MKX: variants seen among roughly 807,000 people sequenced by gnomAD.
The protein encoded by MKX is homeobox protein Mohawk.
MKX carries 13 observed loss-of-function variants against 36.0 expected under a neutral mutation model. The observed-to-expected ratio is 0.36, with a 90% CI of 0.24 to 0.57. The LOEUF is 0.57. Ranked by LOEUF, MKX falls within the 20% of genes least tolerant of loss-of-function variation. The pLI is 0.79. For missense variants in MKX, 458 were observed against 456.4 expected (o/e 1.00, Z -0.03); for synonymous variants, 176 against 178.3 (o/e 0.99, Z 0.10).
rs548724659 is a variant in MKX at position 27,732,167 on chromosome 10, G to A, written c.838+2289C>T. Among the ~76,000 whole-genome samples, 9 of 152,148 alleles carry A rather than the reference G, an allele frequency of 5.9e-5. No individual in the cohort carries two copies. The South Asian group carries it at 1.7e-3, about 28-fold the overall frequency. On this transcript the variant is annotated intron_variant, in intron 5 of 6. Coordinates refer to ENST00000419761, the MANE Select transcript of MKX (RefSeq NM_173576.3). ...CAGTCTTAATCTGATTTGAGAGTAG[G>A]ATAACGTTTACATTTTTTTTAAAAT...
At position 27,675,525 on chromosome 10, in the gene MKX, C is replaced by T. The variant is rs1193087742; in HGVS notation, c.868G>A (p.Glu290Lys). ...CAATGGGAACATTTTGCTCACCTTTCACCCTTATTGGATCCGTTTTCCAGA... is the reference window on the plus strand; with the variant it reads ...CAATGGGAACATTTTGCTCACCTTTTACCCTTATTGGATCCGTTTTCCAGA... ...DTLENGSNKG[E>K]SAANRKGPSK... Residue 290 changes from glutamate to lysine, a missense_variant, in exon 6 of 7, where the codon GAA becomes AAA. Transcript: ENST00000419761. The T allele has an allele frequency of 6.2e-7, 1 of 1,614,156 alleles. No individual in the cohort carries two copies. Among genetic ancestry groups the T allele is most frequent in the South Asian group, 1.1e-5 (1 of 91,066 alleles).
intron 5 of MKX, among the ~76,000 whole-genome samples, chr10:27,682,508 A>G (rs1454795412): frequency 6.6e-6 from 1 of 152,186 alleles, no homozygotes; most frequent in Non-Finnish European, 1.5e-5. Flanking sequence ...AGCTCTGTTC[A>G]TGGTAAGTGC....
intron 5 of MKX, among the ~76,000 whole-genome samples, chr10:27,716,614 C>T (rs894653279): frequency 3.3e-5 from 5 of 152,124 alleles, no homozygotes; most frequent in African/African-American, 1.2e-4. Context: ...TTTCAACTAA[C>T]TTACTTAGAC....
chr10:27,702,478 G>A (rs1479530420), intron 5 of MKX, among the ~76,000 whole-genome samples: 2 of 152,180 alleles, frequency 1.3e-5, no homozygotes, highest in Non-Finnish European at 2.9e-5. Context: ...TCAGATTGGA[G>A]CAGGACACAA....
rs1834941470 is a variant in MKX at position 27,742,942 on chromosome 10, C to T, written c.188+286G>A. On this transcript the variant is annotated intron_variant, in intron 2 of 6. Coordinates refer to ENST00000419761, the MANE Select transcript of MKX (RefSeq NM_173576.3). This position sits in a 1 kb window ranked among gnomAD's most constrained non-coding sequence, Gnocchi z 4.2. ...ACAGTCCGGAGAGGGGCAAATAACC[C>T]CCAACTCCGAGGTCCAGGCAGCGGA... Among the ~76,000 whole-genome samples the T allele has an allele frequency of 6.6e-6, 1 of 152,264 alleles. No individual in the cohort carries two copies. The highest frequency in any genetic ancestry group is 2.4e-5 in the African/African-American group (1 of 41,476).
chr10:27,672,916 C>T lies in MKX; in HGVS notation c.*2313G>A, dbSNP rs145745352. 1 of 152,254 alleles carries T rather than the reference C, an allele frequency of 6.6e-6. No homozygotes were observed. The highest frequency in any genetic ancestry group is 2.4e-5 in the African/African-American group (1 of 41,560). The allele number at this position is 152,254 out of a possible 1,614,324, so 9.4% of individuals were successfully genotyped here. ...ACTTTTATTTTAAATCTGTCAAGAA[C>T]TCCTGGCAGTTATTAATTTTATTAA... On this transcript the variant is annotated 3_prime_UTR_variant, in exon 7 of 7. Coordinates refer to ENST00000419761, the MANE Select transcript of MKX (RefSeq NM_173576.3).
intron 3 of MKX, among the ~76,000 whole-genome samples, chr10:27,739,194 T>C (rs1359408542): frequency 6.6e-6 from 1 of 152,078 alleles, no homozygotes; most frequent in African/African-American, 2.4e-5. Flanking sequence ...TATTCCACAA[T>C]AAAGCTGTTT....
chr10:27,730,423 G>T (rs960317988), intron 5 of MKX, among the ~76,000 whole-genome samples: 1 of 149,544 alleles, frequency 6.7e-6, no homozygotes, highest in Non-Finnish European at 1.5e-5. Context: ...AAAATTCAGT[G>T]ATACATTATC....
At chr10:27,721,296 C>T (rs1052518737) in intron 5 of MKX, among the ~76,000 whole-genome samples, 1 of 151,510 alleles carries the variant, frequency 6.6e-6, no homozygotes, top group Non-Finnish European at 1.5e-5. Flanking sequence ...CCCTGTCATA[C>T]ATCAAAATGG....
intron 5 of MKX, among the ~76,000 whole-genome samples, chr10:27,718,103 G>T (rs1464602383): frequency 6.6e-6 from 1 of 152,104 alleles, no homozygotes; most frequent in African/African-American, 2.4e-5. Context: ...ACTGCTCAGG[G>T]ACATAGAAGT....
chr10:27,737,231 A>G (rs910109403), intron 3 of MKX, among the ~76,000 whole-genome samples: 2 of 152,152 alleles, frequency 1.3e-5, no homozygotes, highest in African/African-American at 4.8e-5. Flanking sequence ...CGACTACTTT[A>G]TCCAGCCATA....
chr10:27,711,041 G>A (rs952379465), intron 5 of MKX, among the ~76,000 whole-genome samples: 6 of 152,118 alleles, frequency 3.9e-5, no homozygotes, highest in Admixed American at 6.6e-5. Context: ...CTTTAGAAAC[G>A]TGTTCAATCT....
chr10:27,711,483 CT>C (rs1836861850), intron 5 of MKX, among the ~76,000 whole-genome samples: 3 of 63,224 alleles, frequency 4.7e-5, no homozygotes, highest in East Asian at 4.8e-4. Context: ...TTCTTTCTTT[CT>C]CTCTCTCTCT....
intron 5 of MKX, among the ~76,000 whole-genome samples, chr10:27,729,860 C>T (rs113935587): frequency 3.9e-5 from 6 of 151,904 alleles, no homozygotes; most frequent in South Asian, 4.2e-4. Context: ...CTCTGTAAGG[C>T]GGCAAAAACG....
chr10:27,686,371 A>AG (rs1318799019), intron 5 of MKX, among the ~76,000 whole-genome samples: 3 of 136,018 alleles, frequency 2.2e-5, no homozygotes, highest in African/African-American at 3.2e-5. Context: ...AAAGAAAGAA[A>AG]GAAAGGGAAG....
At position 27,743,454 on chromosome 10, in the gene MKX, C is replaced by G; in HGVS notation, c.-39G>C. 1 of 1,493,248 alleles carries G rather than the reference C, an allele frequency of 6.7e-7. No individual in the cohort carries two copies. The highest frequency in any genetic ancestry group is 8.9e-7 in the Non-Finnish European group (1 of 1,126,342). The allele number at this position is 1,493,248 out of a possible 1,614,324, so 92.5% of individuals were successfully genotyped here. On this transcript the variant is annotated 5_prime_UTR_variant, in exon 2 of 7. Transcript: ENST00000419761. ...AGGGACGCGCGGCGCGGCCGCAGAGCCTCGGGGCTGGGCCGCCGGGAGCTC... is the reference window on the plus strand; with the variant it reads ...AGGGACGCGCGGCGCGGCCGCAGAGGCTCGGGGCTGGGCCGCCGGGAGCTC...
intron 5 of MKX, among the ~76,000 whole-genome samples, chr10:27,726,472 A>G (rs1834491081): frequency 6.6e-6 from 1 of 152,170 alleles, no homozygotes; most frequent in East Asian, 1.9e-4. Context: ...GGTAAACAAT[A>G]AATCCCATTA....
intron 5 of MKX, among the ~76,000 whole-genome samples, chr10:27,719,763 C>T (rs1030162166): frequency 2.6e-5 from 4 of 152,078 alleles, no homozygotes; most frequent in African/African-American, 9.7e-5. Flanking sequence ...GGTAGCAGGA[C>T]TGCTTGAGGC....
At chr10:27,717,105 G>A (rs746877460) in intron 5 of MKX, among the ~76,000 whole-genome samples, 1 of 152,124 alleles carries the variant, frequency 6.6e-6, no homozygotes, top group Non-Finnish European at 1.5e-5. Context: ...TGAGAGGCAA[G>A]GAAATGTGGG....
Sources: gnomAD v4.1 joint callset for allele counts (sites outside exome capture counted in the v4.1 genomes callset) on GRCh38, gnomAD v4.1.1 for gene constraint, Gnocchi (gnomAD v3.1) non-coding constraint, MANE v1.5 for transcripts, NCBI Gene and HGNC (gene_info 2026-07-23, HGNC 2026-07-21) for gene names.